The following KIF1A variants were observed in gnomAD, a reference collection of about 807,000 sequenced individuals.
The protein encoded by KIF1A is kinesin family member 1A, also known as kinesin-like protein KIF1A.
Under a neutral mutation model 227.3 loss-of-function variants are expected in KIF1A, and 46 were observed. That is an observed-to-expected ratio of 0.20 (90% confidence interval 0.16 to 0.26). The LOEUF is 0.26. Ranked by LOEUF, KIF1A falls within the 10% of genes least tolerant of loss-of-function variation. The probability of loss-of-function intolerance (pLI) is 1.00; values close to 1 mark genes in which losing one functional copy is unlikely to be tolerated. For missense variants in KIF1A, 1,683 were observed against 2,485.9 expected (o/e 0.68, Z 6.87); for synonymous variants, 1,022 against 1,012.8 (o/e 1.01, Z -0.17).
In KIF1A at chr2:240,715,972, C is replaced by G. The variant is rs1210605174; in HGVS notation, c.*1392G>C. Reference sequence around the variant, plus strand: ...GACCTGTGGGTGTGGGTGGGGAGGGCCCTAAAACCTCCCTAGGCCTCTGGA... The same window carrying G: ...GACCTGTGGGTGTGGGTGGGGAGGGGCCTAAAACCTCCCTAGGCCTCTGGA... On this transcript the variant is annotated 3_prime_UTR_variant, in exon 49 of 49. Transcript: ENST00000498729. The G allele has an allele frequency of 6.6e-6, 1 of 152,230 alleles. No individual in the cohort carries two copies. Among genetic ancestry groups the G allele is most frequent in the East Asian group, 1.9e-4 (1 of 5,316 alleles). 9.4% of individuals were successfully genotyped at this position (152,230 alleles called of 1,614,324 possible).
At position 240,773,121 on chromosome 2, in the gene KIF1A, G is replaced by C; in HGVS notation, c.1173C>G (p.Ile391Met). The change falls in exon 13 of 49, where the codon ATC (isoleucine) becomes ATG (methionine). Residue 391 changes from isoleucine (I) to methionine (M), a missense_variant. This residue lies in a region of KIF1A where 110 missense variants were observed against 133.1 expected (regional missense o/e 0.83). Coordinates refer to ENST00000498729, the MANE Select transcript of KIF1A (RefSeq NM_001244008.2). ...GCTGGAGCAGGCACTCACTGTCAGT[G>C]ATGTCGCCAAGACCCTGGGCGTACA... ...DLLYAQGLGD[I>M]TDTNTVPGGP... 6.2e-7 allele frequency: 1 copy of C among 1,612,434 alleles called. No individual in the cohort carries two copies. The highest frequency in any genetic ancestry group is 8.5e-7 in the Non-Finnish European group (1 of 1,179,238).
rs564416614 is a variant in KIF1A at position 240,778,681 on chromosome 2, C to G, written c.883-2755G>C. The stretch of plus-strand genomic sequence containing the variant: ...GGTTCCCACAGCTCCACGCGGCGCC[C>G]AGCAGGTCCCCGCAGCTTCCCATCC... On this transcript the variant is annotated intron_variant, in intron 10 of 48. Transcript: ENST00000498729. The surrounding 1 kb of genome is among the most constrained non-coding windows in gnomAD (Gnocchi z 7.2). Among the ~76,000 whole-genome samples the G allele has an allele frequency of 6.6e-6, 1 of 151,810 alleles. No homozygotes were observed. Among genetic ancestry groups the G allele is most frequent in the African/African-American group, 2.4e-5 (1 of 41,352 alleles).
At chr2:240,804,748 G>A (rs886079693) in intron 1 of KIF1A, among the ~76,000 whole-genome samples, 1 of 152,082 alleles carries the variant, frequency 6.6e-6, no homozygotes, top group African/African-American at 2.4e-5. Context: ...CATAAAGTTT[G>A]GGTTTCAAAT....
intron 38 of KIF1A, among the ~76,000 whole-genome samples, chr2:240,732,070 G>A (rs1285675137): frequency 2.6e-5 from 2 of 78,084 alleles, no homozygotes; most frequent in East Asian, 1.1e-3. Flanking sequence ...GGGGGAGGAG[G>A]GAAGGAGGAA....
intron 1 of KIF1A, among the ~76,000 whole-genome samples, chr2:240,798,959 G>A (rs557528059): frequency 6.6e-6 from 1 of 151,694 alleles, no homozygotes; most frequent in East Asian, 2.0e-4. Context: ...AGGCCTCCTT[G>A]AAACCCTTCC....
rs772133459 is a variant in KIF1A, at chr2:240,746,086, G to A, written c.3155C>T (p.Ala1052Val). 1.3e-6 allele frequency: 2 copies of A among 1,596,590 alleles called. No homozygotes were observed. Among genetic ancestry groups the A allele is most frequent in the Non-Finnish European group, 8.5e-7 (1 of 1,172,234 alleles). Residue 1052 changes from alanine (A) to valine (V), a missense_variant, in exon 30 of 49, where the codon GCA becomes GTA. This residue lies in a region of KIF1A where 759 missense variants were observed against 1,020.2 expected (regional missense o/e 0.74). Transcript: ENST00000498729. ...TTCATCGGCTGAGGGCCCCACGTCT[G>A]CACCCTGGCCCTGGCCCTCCACGAT... ...LRIVEGQGQG[A>V]DVGPSADEVN...
rs1255202060 is a variant in KIF1A at position 240,726,605 on chromosome 2, T to C, written c.4122+221A>G. 3.3e-5 allele frequency among the ~76,000 whole-genome samples: 5 copies of C among 151,686 alleles called. No homozygotes were observed. The highest frequency in any genetic ancestry group is 7.4e-5 in the Non-Finnish European group (5 of 67,908). ...TGGGCGACAAGAGTGAGACTCGGTCTCAAAAACAAAAAAAAAACAGCACAT... is the reference window on the plus strand; with the variant it reads ...TGGGCGACAAGAGTGAGACTCGGTCCCAAAAACAAAAAAAAAACAGCACAT... On this transcript the variant is annotated intron_variant, in intron 39 of 48. Coordinates refer to ENST00000498729, the MANE Select transcript of KIF1A (RefSeq NM_001244008.2). The surrounding 1 kb of genome is among the most constrained non-coding windows in gnomAD (Gnocchi z 5.2).
At chr2:240,821,144 G>A (rs2058676262), upstream of KIF1A, among the ~76,000 whole-genome samples, 1 of 152,312 alleles carries the variant, frequency 6.6e-6, no homozygotes, top group Middle Eastern at 3.4e-3. Flanking sequence ...ACTGCGGTGC[G>A]GGGGTGCACG....
chr2:240,774,205 C>T lies in KIF1A; in HGVS notation c.1015G>A (p.Asp339Asn), dbSNP rs2052419904. The change falls in exon 12 of 49, where the codon GAT (aspartate) becomes AAT (asparagine). Residue 339 changes from aspartate (D) to asparagine (N), a missense_variant. Physicochemically the swap from Asp to Asn is conservative, Grantham distance 23. This residue lies in a region of KIF1A where 15 missense variants were observed against 78.3 expected (regional missense o/e 0.19). Transcript: ENST00000498729. ...AALSPADINY[D>N]ETLSTLRYAD... ...CACCTCAGCGTGCTAAGGGTCTCAT[C>T]GTAGTTGATGTCTGCAGGACTCAAG... The T allele has an allele frequency of 6.2e-7, 1 of 1,607,990 alleles. No homozygotes were observed. The highest frequency in any genetic ancestry group is 8.5e-7 in the Non-Finnish European group (1 of 1,175,670).
chr2:240,754,243 C>A (rs2049564084), intron 27 of KIF1A, among the ~76,000 whole-genome samples: 1 of 152,194 alleles, frequency 6.6e-6, no homozygotes, highest in Non-Finnish European at 1.5e-5. Flanking sequence ...AGGTCTGACA[C>A]CAAATGCTCC....
At position 240,758,493 on chromosome 2, in the gene KIF1A, G is replaced by A; in HGVS notation, c.2449C>T (p.Arg817Cys). The A allele has an allele frequency of 1.9e-6, 3 of 1,579,846 alleles. No individual in the cohort carries two copies. The highest frequency in any genetic ancestry group is 2.6e-6 in the Non-Finnish European group (3 of 1,161,514). ...HYWTLEKLRQ[R>C]LDLMREMYDR... ...TACATCTCCCGCATCAGGTCCAGAC[G>A]CTGCCTGCAGGGACGGCAGGGGTCA... Residue 817 changes from arginine (R) to cysteine (C), a missense_variant, in exon 26 of 49, where the codon CGT (arginine) becomes TGT (cysteine). Arg to Cys is a radical substitution (Grantham distance 180). Coordinates refer to ENST00000498729, the MANE Select transcript of KIF1A (RefSeq NM_001244008.2). This position sits in a 1 kb window ranked among gnomAD's most constrained non-coding sequence, Gnocchi z 5.2.
intron 1 of KIF1A, among the ~76,000 whole-genome samples, chr2:240,814,618 G>GA (rs2058185060): frequency 6.6e-6 from 1 of 152,092 alleles, no homozygotes; most frequent in Non-Finnish European, 1.5e-5. Context: ...CGATAAAAGG[G>GA]AAAAAACTCA....
chr2:240,720,057 T>G, intron 45 of KIF1A, 131 bp from the exon 46 acceptor site: 107 of 754,136 alleles, frequency 1.4e-4, no homozygotes, highest in Non-Finnish European at 1.8e-4. Context: ...TCTCCAGCTG[T>G]GCCCACAGTG....
rs1431980275 is a variant in KIF1A, at chr2:240,752,242, GC to G, written c.2859-1696del. 2.0e-5 allele frequency among the ~76,000 whole-genome samples: 3 copies of G among 151,978 alleles called. No individual in the cohort carries two copies. The highest frequency in any genetic ancestry group is 2.0e-4 in the Admixed American group (3 of 15,268). On this transcript the variant is annotated intron_variant, in intron 27 of 48. Transcript: ENST00000498729. The surrounding 1 kb of genome is among the most constrained non-coding windows in gnomAD (Gnocchi z 6.4). ...TACCCACAGGGCTGCAGGCGGCTCT[GC>G]CTGACTTAGGTGTGGGGGCTGGAGC...
rs1474785508 is a variant in KIF1A, at chr2:240,789,612, G to A, written c.107-300C>T. Among the ~76,000 whole-genome samples the A allele has an allele frequency of 2.0e-5, 3 of 152,142 alleles. No homozygotes were observed. The highest frequency in any genetic ancestry group is 4.4e-5 in the Non-Finnish European group (3 of 68,000). On this transcript the variant is annotated intron_variant, in intron 2 of 48. Transcript: ENST00000498729. This position sits in a 1 kb window ranked among gnomAD's most constrained non-coding sequence, Gnocchi z 4.8. ...CCCTCAAAGGCAGCCACCCGGGGAGGATCCTTCCCACCTGCAAGCTGCGGC... is the reference window on the plus strand; with the variant it reads ...CCCTCAAAGGCAGCCACCCGGGGAGAATCCTTCCCACCTGCAAGCTGCGGC...
rs1015846612 is a variant in KIF1A, at chr2:240,726,414, C to G, written c.4122+412G>C. On this transcript the variant is annotated intron_variant, in intron 39 of 48. Transcript: ENST00000498729. The surrounding 1 kb of genome is among the most constrained non-coding windows in gnomAD (Gnocchi z 5.2). ...TCACCTGAGGCCAGGAGTTTGAGAA[C>G]AGCCTGGCCAACATGGCAAAACCCC... 6.6e-6 allele frequency among the ~76,000 whole-genome samples: 1 copy of G among 152,184 alleles called. No individual in the cohort carries two copies. Among genetic ancestry groups the G allele is most frequent in the African/African-American group, 2.4e-5 (1 of 41,442 alleles).
rs1206003945 is a variant in KIF1A, at chr2:240,766,180, A to G, written c.1685-387T>C. On this transcript the variant is annotated intron_variant, in intron 19 of 48. Coordinates refer to ENST00000498729, the MANE Select transcript of KIF1A (RefSeq NM_001244008.2). This position sits in a 1 kb window ranked among gnomAD's most constrained non-coding sequence, Gnocchi z 5.0. Reference sequence around the variant, plus strand: ...GCAGTCAGAGAATTCCAGGAGAGCCAATCGTCCCAACACCACTTAGGGCCA... The same window carrying G: ...GCAGTCAGAGAATTCCAGGAGAGCCGATCGTCCCAACACCACTTAGGGCCA... Among the ~76,000 whole-genome samples the G allele has an allele frequency of 1.3e-5, 2 of 151,860 alleles. No individual in the cohort carries two copies. Among genetic ancestry groups the G allele is most frequent in the Non-Finnish European group, 2.9e-5 (2 of 68,040 alleles).
intron 27 of KIF1A, among the ~76,000 whole-genome samples, chr2:240,754,811 G>A (rs890192240): frequency 4.6e-5 from 7 of 152,094 alleles, no homozygotes; most frequent in Admixed American, 2.0e-4. Context: ...CAAATACCAA[G>A]ACAGAGGGGC....
chr2:240,807,128 G>GTATA (rs1187764562), intron 1 of KIF1A, among the ~76,000 whole-genome samples: 63 of 91,034 alleles, frequency 6.9e-4, no homozygotes, highest in African/African-American at 1.8e-3. Flanking sequence ...GTGTGTGTGT[G>GTATA]TGTATATATA....
Sources: allele counts gnomAD v4.1 joint callset (sites outside exome capture counted in the v4.1 genomes callset), GRCh38; gene constraint gnomAD v4.1.1; regional missense constraint gnomAD v4.1.1; non-coding constraint Gnocchi (gnomAD v3.1); transcripts MANE v1.5; gene names NCBI Gene and HGNC (gene_info 2026-07-23, HGNC 2026-07-21).